The following CDKL1 variants were observed in gnomAD, a reference collection of about 807,000 sequenced individuals.
CDKL1 encodes cyclin dependent kinase like 1.
CDKL1 carries 41 observed loss-of-function variants against 42.0 expected under a neutral mutation model. That is an observed-to-expected ratio of 0.98 (90% confidence interval 0.76 to 1.27). The LOEUF is 1.27. CDKL1 is among the 50% of genes most tolerant of loss of function. CDKL1 has a pLI of 0.00. For synonymous variants in CDKL1, 153 were observed against 158.6 expected, an observed-to-expected ratio of 0.96 and a Z score of 0.26; for missense variants, 394 against 428.4, an observed-to-expected ratio of 0.92 and a Z score of 0.71.
intron 2 of CDKL1, among the ~76,000 whole-genome samples, chr14:50,362,694 A>G (rs2034303481): frequency 6.6e-6 from 1 of 152,070 alleles, no homozygotes; most frequent in Non-Finnish European, 1.5e-5. Flanking sequence ...TGGCTAATCT[A>G]GTGGGGACGT....
At chr14:50,368,073 C>T (rs1485116156) in intron 2 of CDKL1, among the ~76,000 whole-genome samples, 2 of 152,194 alleles carry the variant, frequency 1.3e-5, no homozygotes, top group Non-Finnish European at 2.9e-5. Flanking sequence ...ATCCTCCTGC[C>T]TCAGCCTCTC....
intron 6 of CDKL1, 109 bp from the exon 7 acceptor site, chr14:50,339,138 A>T (rs2033415720): frequency 2.2e-5 from 17 of 781,178 alleles, no homozygotes. Flanking sequence ...TGGACACTGC[A>T]GTGTTCTTGG....
chr14:50,358,108 A>G (rs2034111578), intron 3 of CDKL1: 3 of 1,361,626 alleles, frequency 2.2e-6, no homozygotes, highest in Non-Finnish European at 2.9e-6. Flanking sequence ...TGTGCTCACC[A>G]AGTCTTCTTC....
Position 50,371,390 on chromosome 14 carries a change from A to G in CDKL1, c.169-12241T>C, listed in dbSNP as rs79382404. 6.9e-3 allele frequency among the ~76,000 whole-genome samples: 1,045 copies of G among 152,312 alleles called. 4 individuals carry two copies. Among genetic ancestry groups the G allele is most frequent in the African/African-American group, 0.023 (975 of 41,558 alleles). ...TTTCTCCACATCCTCGCCAACATTT[A>G]TCTTACATCTTTTTTATCACAGCCA... On this transcript the variant is annotated intron_variant, in intron 2 of 9. Coordinates refer to ENST00000395834, the MANE Select transcript of CDKL1 (RefSeq NM_004196.7).
intron 6 of CDKL1, among the ~76,000 whole-genome samples, chr14:50,340,056 CA>C (rs1757741456): frequency 6.6e-6 from 1 of 152,190 alleles, no homozygotes; most frequent in African/African-American, 2.4e-5. Context: ...ATCATGAGCA[CA>C]ATTCCTTGCA....
At chr14:50,342,871 G>C (rs773131913) in intron 4 of CDKL1, 1 of 1,267,254 alleles carries the variant, frequency 7.9e-7, no homozygotes, top group Non-Finnish European at 1.0e-6. Flanking sequence ...ACATTCATCC[G>C]GACAAGATAA....
intron 2 of CDKL1, among the ~76,000 whole-genome samples, chr14:50,390,709 C>T (rs1363477983): frequency 6.6e-6 from 1 of 152,214 alleles, no homozygotes; most frequent in Non-Finnish European, 1.5e-5. Context: ...TTGCCCCTTG[C>T]CGGACACACA....
At chr14:50,365,251 A>G (rs1476458370) in intron 2 of CDKL1, among the ~76,000 whole-genome samples, 1 of 152,156 alleles carries the variant, frequency 6.6e-6, no homozygotes, top group Non-Finnish European at 1.5e-5. Context: ...TAGACAATTT[A>G]AGGCTTGTGA....
chr14:50,393,629 C>T (rs148295472), intron 2 of CDKL1, among the ~76,000 whole-genome samples: 9 of 152,304 alleles, frequency 5.9e-5, no homozygotes, highest in South Asian at 2.1e-4. Flanking sequence ...ACCACAGGCA[C>T]GCACCACCAT....
Position 50,338,978 on chromosome 14 carries a change from C to G in CDKL1, c.707G>C (p.Ser236Thr), listed in dbSNP as rs1316644041. 9.3e-6 allele frequency: 15 copies of G among 1,612,932 alleles called. No individual in the cohort carries two copies. Among genetic ancestry groups the G allele is most frequent in the Non-Finnish European group, 1.3e-5 (15 of 1,178,872 alleles). ...QQVFSTNQYFSGVKIPDPEDM... is the reference protein window; with the variant it reads ...QQVFSTNQYFTGVKIPDPEDM... Reference sequence around the variant, plus strand: ...TTCAGGGTCTGGAATTTTCACTCCACTGAAGTACTGATTCGTGCTAAACAC... The same window carrying G: ...TTCAGGGTCTGGAATTTTCACTCCAGTGAAGTACTGATTCGTGCTAAACAC... Residue 236 changes from serine (S) to threonine (T), a missense_variant, in exon 7 of 10, where the codon AGT becomes ACT. Ser to Thr is a moderately conservative substitution (Grantham distance 58). Transcript: ENST00000395834.
At chr14:50,346,709 G>A (rs140523632) in intron 3 of CDKL1, among the ~76,000 whole-genome samples, 2 of 145,182 alleles carry the variant, frequency 1.4e-5, no homozygotes, top group African/African-American at 2.6e-5. Context: ...AAAGTGCAGT[G>A]GTACAATCTC....
chr14:50,387,577 G>A (rs533514554), intron 2 of CDKL1, among the ~76,000 whole-genome samples: 1 of 151,606 alleles, frequency 6.6e-6, no homozygotes, highest in African/African-American at 2.4e-5. Flanking sequence ...CTGTGGCACT[G>A]AGCAGTAGCT....
rs1341381821 is a variant in CDKL1 at position 50,332,431 on chromosome 14, C to T, written c.797G>A (p.Gly266Asp). The T allele has an allele frequency of 6.3e-7, 1 of 1,592,466 alleles. No homozygotes were observed. The highest frequency in any genetic ancestry group is 8.5e-7 in the Non-Finnish European group (1 of 1,173,340). The stretch of plus-strand genomic sequence containing the variant: ...TTGAGTAGGGTCCATGTGGAGACAG[C>T]CCTAAAAGAACAGAAAATTCCTTCT... ...ISYPALGLLK[G>D]CLHMDPTQRL... Residue 266 changes from glycine (G) to aspartate (D), a missense_variant and splice_region_variant, in exon 9 of 10, where the codon GGC becomes GAC. Physicochemically the swap from Gly to Asp is moderately conservative, Grantham distance 94 (BLOSUM62 -1). Coordinates refer to ENST00000395834, the MANE Select transcript of CDKL1 (RefSeq NM_004196.7).
chr14:50,397,118 C>G, upstream of CDKL1: 1 of 1,364,108 alleles, frequency 7.3e-7, no homozygotes, highest in Non-Finnish European at 9.8e-7. Flanking sequence ...TTCCGCAGGC[C>G]GTGCAAAGCG....
At chr14:50,363,045 G>A (rs1246095288) in intron 2 of CDKL1, 1 of 432,568 alleles carries the variant, frequency 2.3e-6, no homozygotes, top group Admixed American at 2.4e-5. Context: ...CCACTGGGAG[G>A]AAAGAACAAC....
intron 2 of CDKL1, among the ~76,000 whole-genome samples, chr14:50,375,496 C>G (rs1023009782): frequency 6.6e-6 from 1 of 152,202 alleles, no homozygotes; most frequent in Non-Finnish European, 1.5e-5. Flanking sequence ...AGTCACTTTA[C>G]AGTGGAGAAA....
At position 50,326,471 on chromosome 14, in the gene CDKL1, A is replaced by G. The variant is rs377567904; in HGVS notation, c.*3603T>C. 9 of 985,312 alleles carry G rather than the reference A, an allele frequency of 9.1e-6. No homozygotes were observed. The South Asian group carries it at 3.8e-4, about 41-fold the overall frequency. 61.0% of individuals were successfully genotyped at this position (985,312 alleles called of 1,614,324 possible). A position where few individuals can be genotyped will look rare whatever the true frequency, so the allele number is the denominator to read the frequency against. On this transcript the variant is annotated 3_prime_UTR_variant, in exon 10 of 10. Transcript: ENST00000395834. Reference sequence around the variant, plus strand: ...AATTACAGATTCATTGATGGAGTCAATTATGCAAAGTGGTCAGTGGTTGTT... The same window carrying G: ...AATTACAGATTCATTGATGGAGTCAGTTATGCAAAGTGGTCAGTGGTTGTT...
In CDKL1 at chr14:50,332,404, C is replaced by CTT; in HGVS notation, c.822_823dup (p.Arg275LysfsTer3). The CTT allele has an allele frequency of 6.2e-7, 1 of 1,613,864 alleles. No homozygotes were observed. The highest frequency in any genetic ancestry group is 1.1e-5 in the South Asian group (1 of 91,006). ...ATGCAACAGCTGTTCACATGTCAGCCTTTGAGTAGGGTCCATGTGGAGACA... is the reference window on the plus strand; with the variant it reads ...ATGCAACAGCTGTTCACATGTCAGCCTTTTTGAGTAGGGTCCATGTGGAGACA... On this transcript the variant is annotated frameshift_variant, in exon 9 of 10. Transcript: ENST00000395834. LOFTEE classifies it high-confidence loss of function.
chr14:50,345,919 G>A (rs141732759), intron 3 of CDKL1, among the ~76,000 whole-genome samples: 87 of 152,238 alleles, frequency 5.7e-4, no homozygotes, highest in African/African-American at 2.0e-3. Flanking sequence ...GAGGCATCTC[G>A]CCTGGAAACA....
Sources: gnomAD v4.1 joint callset for allele counts (sites outside exome capture counted in the v4.1 genomes callset) on GRCh38, gnomAD v4.1.1 for gene constraint, MANE v1.5 for transcripts, NCBI Gene and HGNC (gene_info 2026-07-23, HGNC 2026-07-21) for gene names.